Variants in KHDRBS2 observed in about 807,000 individuals in gnomAD.
KHDRBS2 encodes the protein KH domain-containing, RNA-binding, signal transduction-associated protein 2.
A neutral mutation model predicts 44.3 loss-of-function variants in KHDRBS2; 26 were observed. The ratio of observed to expected loss-of-function variants is 0.59; its 90% CI spans 0.43 to 0.81. The LOEUF (loss-of-function observed/expected upper bound fraction) is 0.81, where lower values mean the gene tolerates loss of function less well. Among genes scored for constraint, KHDRBS2 ranks in the 40% least tolerant of loss-of-function variants. The probability of loss-of-function intolerance (pLI) is 0.00; values close to 1 mark genes in which losing one functional copy is unlikely to be tolerated. For missense variants in KHDRBS2, 476 were observed against 433.1 expected (o/e 1.10, Z -0.88); for synonymous variants, 194 against 151.1 (o/e 1.28, Z -2.08).
intron 2 of KHDRBS2, among the ~76,000 whole-genome samples, chr6:62,116,758 T>C (rs1806326347): frequency 6.6e-6 from 1 of 152,126 alleles, no homozygotes; most frequent in African/African-American, 2.4e-5. Flanking sequence ...TCATTTTCTT[T>C]TCTGCGCCCT....
chr6:62,066,343 A>G (rs1354296720), intron 2 of KHDRBS2, among the ~76,000 whole-genome samples: 1 of 151,690 alleles, frequency 6.6e-6, no homozygotes, highest in Non-Finnish European at 1.5e-5. Context: ...TTCCATTTTT[A>G]TCTAAATCTT....
chr6:61,687,341 G>T (rs1766928512), intron 8 of KHDRBS2, among the ~76,000 whole-genome samples: 1 of 151,708 alleles, frequency 6.6e-6, no homozygotes, highest in Non-Finnish European at 1.5e-5. Flanking sequence ...TGTATCACTT[G>T]GGATAATCCA....
chr6:61,701,403 C>G (rs1010749468), intron 7 of KHDRBS2, among the ~76,000 whole-genome samples: 5 of 151,888 alleles, frequency 3.3e-5, no homozygotes, highest in African/African-American at 1.2e-4. Flanking sequence ...ATTTCAATCG[C>G]AAGAGATAAT....
intron 1 of KHDRBS2, among the ~76,000 whole-genome samples, chr6:62,208,170 T>A (rs1057419681): frequency 6.6e-6 from 1 of 152,226 alleles, no homozygotes; most frequent in Non-Finnish European, 1.5e-5. Flanking sequence ...TCACTTAGCA[T>A]GATGTCCTCC....
intron 2 of KHDRBS2, among the ~76,000 whole-genome samples, chr6:62,056,210 T>G (rs1790257999): frequency 6.6e-6 from 1 of 151,598 alleles, no homozygotes; most frequent in South Asian, 2.1e-4. Context: ...AATTGTGACA[T>G]ATTACTATGA....
chr6:61,702,288 C>T (rs1344476371), intron 7 of KHDRBS2, among the ~76,000 whole-genome samples: 2 of 151,800 alleles, frequency 1.3e-5, no homozygotes, highest in Admixed American at 6.6e-5. Context: ...TTTCATGTAA[C>T]TGGCTGGAAA....
At chr6:62,227,761 T>G (rs894161918) in intron 1 of KHDRBS2, among the ~76,000 whole-genome samples, 2 of 152,056 alleles carry the variant, frequency 1.3e-5, no homozygotes, top group Non-Finnish European at 2.9e-5. Context: ...CGAAGGCCTT[T>G]TCTGCATCTG....
chr6:62,182,685 T>C (rs184795732), intron 1 of KHDRBS2, among the ~76,000 whole-genome samples: 1 of 152,000 alleles, frequency 6.6e-6, no homozygotes, highest in East Asian at 1.9e-4. Flanking sequence ...TGTTTTGTTT[T>C]ACAATAAAGG....
At chr6:61,654,047 C>CA in the KHDRBS2 span, among the ~76,000 whole-genome samples, 703 of 149,846 alleles carry the variant, frequency 4.7e-3, 3 homozygotes, top group Non-Finnish European at 5.2e-3. Flanking sequence ...TTTCCTTCCT[C>CA]AAAAAAAAAG....
At chr6:61,710,940 C>G (rs1219259601) in intron 7 of KHDRBS2, among the ~76,000 whole-genome samples, 1 of 148,074 alleles carries the variant, frequency 6.8e-6, no homozygotes, top group African/African-American at 2.5e-5. Flanking sequence ...CTGGACTCAG[C>G]AGGGGCTCAG....
rs543457824 is a variant in KHDRBS2, at chr6:61,876,091, T to C, written c.810+18544A>G. 1.4e-4 allele frequency among the ~76,000 whole-genome samples: 22 copies of C among 152,144 alleles called. No individual in the cohort carries two copies. The South Asian group carries it at 4.1e-3, about 29-fold the overall frequency. ...ACAAATAAATGACCAACTTAAAAGA[T>C]TAGGTTTTGCAGCATCTTGCAATTT... On this transcript the variant is annotated intron_variant, in intron 6 of 8. Coordinates refer to ENST00000281156, the MANE Select transcript of KHDRBS2 (RefSeq NM_152688.4).
At chr6:62,171,924 T>C (rs1036062184) in intron 2 of KHDRBS2, among the ~76,000 whole-genome samples, 4 of 152,084 alleles carry the variant, frequency 2.6e-5, no homozygotes, top group East Asian at 1.9e-4. Context: ...AGGACCTTAA[T>C]AGAATACTAA....
intron 7 of KHDRBS2, among the ~76,000 whole-genome samples, chr6:61,725,831 C>T (rs1468557724): frequency 6.6e-6 from 1 of 151,956 alleles, no homozygotes; most frequent in Non-Finnish European, 1.5e-5. Flanking sequence ...AATCTCAGGA[C>T]CAGAATCTCA....
At chr6:61,638,024 G>A in the KHDRBS2 span, among the ~76,000 whole-genome samples, 2 of 151,984 alleles carry the variant, frequency 1.3e-5, no homozygotes, top group Non-Finnish European at 2.9e-5. Flanking sequence ...CTGTGCAGAA[G>A]CTCTTTAGTT....
chr6:62,108,405 T>G (rs1419762043), intron 2 of KHDRBS2, among the ~76,000 whole-genome samples: 1 of 152,132 alleles, frequency 6.6e-6, no homozygotes, highest in Non-Finnish European at 1.5e-5. Context: ...AAATACCATC[T>G]CACACCAGTT....
chr6:61,580,435 G>T, the KHDRBS2 span, among the ~76,000 whole-genome samples: 93,602 of 151,970 alleles, frequency 0.62, 29,053 homozygotes, highest in Non-Finnish European at 0.65. Context: ...AATACAGGCT[G>T]CCCTCAGCGG....
chr6:62,065,700 G>T (rs1211658466), intron 2 of KHDRBS2, among the ~76,000 whole-genome samples: 1 of 148,760 alleles, frequency 6.7e-6, no homozygotes, highest in Non-Finnish European at 1.5e-5. Flanking sequence ...GAGTTAGTGG[G>T]TGCAGCGCAC....
At chr6:61,973,005 G>T (rs1410836784) in intron 4 of KHDRBS2, among the ~76,000 whole-genome samples, 2 of 152,128 alleles carry the variant, frequency 1.3e-5, no homozygotes. Flanking sequence ...AATAAGCTGT[G>T]TGTGGTGGCA....
At chr6:62,096,005 A>G (rs2127368314) in intron 2 of KHDRBS2, among the ~76,000 whole-genome samples, 1 of 152,058 alleles carries the variant, frequency 6.6e-6, no homozygotes. Context: ...CATTCTCGTC[A>G]TGTGCTGTAT....
Sources: gnomAD v4.1 joint callset for allele counts (sites outside exome capture counted in the v4.1 genomes callset) on GRCh38, gnomAD v4.1.1 for gene constraint, MANE v1.5 for transcripts, NCBI Gene and HGNC (gene_info 2026-07-23, HGNC 2026-07-21) for gene names.